SMAD3: variants seen among roughly 807,000 people sequenced by gnomAD.
SMAD3 encodes the protein MAD homolog 3.
In SMAD3, 12 loss-of-function variants were observed where a neutral mutation model predicts 51.8. The ratio of observed to expected loss-of-function variants is 0.23; its 90% CI spans 0.15 to 0.38. The LOEUF is 0.38. SMAD3 is among the 10% of genes least tolerant of loss of function. The pLI, the probability that SMAD3 is intolerant of heterozygous loss-of-function variation, is 1.00. For synonymous variants in SMAD3, 238 were observed against 227.7 expected, an observed-to-expected ratio of 1.05 and a Z score of -0.41; for missense variants, 294 against 565.6, an observed-to-expected ratio of 0.52 and a Z score of 4.87.
intron 1 of SMAD3, among the ~76,000 whole-genome samples, chr15:67,089,751 G>A (rs574354162): frequency 1.4e-4 from 21 of 152,328 alleles, no homozygotes; most frequent in South Asian, 4.1e-4. Context: ...TTTCCCACAC[G>A]TCATTTCGTT....
intron 1 of SMAD3, among the ~76,000 whole-genome samples, chr15:67,160,093 T>C (rs1037832473): frequency 6.6e-6 from 1 of 152,216 alleles, no homozygotes; most frequent in East Asian, 1.9e-4. Flanking sequence ...GGGATGAATA[T>C]CCCAATTACC....
chr15:67,176,535 G>A (rs1962900583), intron 5 of SMAD3, among the ~76,000 whole-genome samples: 1 of 152,198 alleles, frequency 6.6e-6, no homozygotes, highest in Non-Finnish European at 1.5e-5. Flanking sequence ...TTCCCCCCTT[G>A]CCTCCCCACC....
At chr15:67,074,277 T>C (rs534708145) in intron 1 of SMAD3, among the ~76,000 whole-genome samples, 4 of 152,346 alleles carry the variant, frequency 2.6e-5, no homozygotes, top group Admixed American at 2.6e-4. Flanking sequence ...TTTCTTCTTT[T>C]GTTGCTATTT....
intron 1 of SMAD3, among the ~76,000 whole-genome samples, chr15:67,144,709 C>A (rs541699626): frequency 2.0e-5 from 3 of 152,270 alleles, no homozygotes; most frequent in African/African-American, 7.2e-5. Flanking sequence ...TTCTTAGACA[C>A]AAAGACAGCT....
intron 1 of SMAD3, among the ~76,000 whole-genome samples, chr15:67,074,371 T>C (rs557148365): frequency 6.6e-6 from 1 of 152,352 alleles, no homozygotes; most frequent in South Asian, 2.1e-4. Flanking sequence ...GTAGGCATTA[T>C]AGAGGATACC....
chr15:67,070,756 A>G (rs1213380166), intron 1 of SMAD3, among the ~76,000 whole-genome samples: 1 of 151,644 alleles, frequency 6.6e-6, no homozygotes, highest in Admixed American at 6.6e-5. Context: ...TAAAATAATG[A>G]CAGGCATCTG....
chr15:67,074,240 G>T (rs1225808281), intron 1 of SMAD3, among the ~76,000 whole-genome samples: 4 of 152,244 alleles, frequency 2.6e-5, no homozygotes, highest in Non-Finnish European at 4.4e-5. Context: ...TGTGGAGGCT[G>T]TGCCTCTTGA....
In SMAD3 at chr15:67,137,932, G is replaced by A. The variant is rs534967113; in HGVS notation, c.207-26963G>A. 1.1e-4 allele frequency: 87 copies of A among 824,060 alleles called. 3 individuals carry two copies. The South Asian group carries it at 1.2e-3, about 12-fold the overall frequency. 51.0% of individuals were successfully genotyped at this position (824,060 alleles called of 1,614,324 possible). Reference sequence around the variant, plus strand: ...TCTTCTGTTAGCGACAGAGAAAATAGGAGGTACTAGAATTCGGACTTCTAG... The same window carrying A: ...TCTTCTGTTAGCGACAGAGAAAATAAGAGGTACTAGAATTCGGACTTCTAG... On this transcript the variant is annotated intron_variant, in intron 1 of 8. Transcript: ENST00000327367.
rs147249572 is a variant in SMAD3 at position 67,136,592 on chromosome 15, A to G, written c.207-28303A>G. Among the ~76,000 whole-genome samples, 449 of 152,192 alleles carry G rather than the reference A, an allele frequency of 3.0e-3. 16 individuals carry two copies. The East Asian group carries it at 0.064, about 22-fold the overall frequency. On this transcript the variant is annotated intron_variant, in intron 1 of 8. Coordinates refer to ENST00000327367, the MANE Select transcript of SMAD3 (RefSeq NM_005902.4). ...GTGATCTGCCCACCTCAGCCTCCCA[A>G]AGTACTGGGATTATAGGCATGAGCC...
At chr15:67,100,180 T>TAAA (rs34746545) in intron 1 of SMAD3, among the ~76,000 whole-genome samples, 10,299 of 109,636 alleles carry the variant, frequency 0.094, 636 homozygotes, top group Middle Eastern at 0.13. Flanking sequence ...AAACTCCATC[T>TAAA]AAAAAAAAAA....
At chr15:67,158,342 G>A (rs1299814332) in intron 1 of SMAD3, among the ~76,000 whole-genome samples, 3 of 152,210 alleles carry the variant, frequency 2.0e-5, no homozygotes, top group African/African-American at 7.2e-5. Context: ...AAAGAACAAT[G>A]CCAGGGCTCT....
At chr15:67,088,229 G>A (rs1960435210) in intron 1 of SMAD3, among the ~76,000 whole-genome samples, 3 of 152,226 alleles carry the variant, frequency 2.0e-5, no homozygotes, top group Admixed American at 2.0e-4. Flanking sequence ...TGGCCCAGAA[G>A]ATGGGTGCAC....
chr15:67,104,364 TAATC>T (rs2140227754), intron 1 of SMAD3, among the ~76,000 whole-genome samples: 2 of 152,336 alleles, frequency 1.3e-5, no homozygotes, highest in South Asian at 4.1e-4. Flanking sequence ...GAAGAGACAC[TAATC>T]AATGTATCTG....
rs1959903980 is a variant in SMAD3, at chr15:67,065,995, CCGCGGCCCGG to C, written c.-158_-149del. ...GCGCCGAGCCCCGCAGGCTGCAGCG[CCGCGGCCCGG>C]CCCGGCGCCCCGGCAACTTCGCCGA... is the stretch of plus-strand genomic sequence containing the variant. On this transcript the variant is annotated 5_prime_UTR_variant, in exon 1 of 9. Transcript: ENST00000327367. 1 of 260,596 alleles carries C rather than the reference CCGCGGCCCGG, an allele frequency of 3.8e-6. No homozygotes were observed. The highest frequency in any genetic ancestry group is 5.7e-5 in the Admixed American group (1 of 17,642). The allele number at this position is 260,596 out of a possible 1,614,324, so 16.1% of individuals were successfully genotyped here. A position where few individuals can be genotyped will look rare whatever the true frequency, so the allele number is the denominator to read the frequency against.
intron 1 of SMAD3, among the ~76,000 whole-genome samples, chr15:67,100,683 A>G (rs1028549991): frequency 3.9e-5 from 6 of 152,172 alleles, no homozygotes; most frequent in Non-Finnish European, 7.3e-5. Flanking sequence ...AATGGTGTCC[A>G]TGTCACTGAC....
At chr15:67,170,367 G>A (rs1285459307) in intron 4 of SMAD3, among the ~76,000 whole-genome samples, 187 bp from the exon 5 acceptor site, 3 of 152,176 alleles carry the variant, frequency 2.0e-5, no homozygotes, top group African/African-American at 7.2e-5. Context: ...TTCCAGACAA[G>A]AAATTGGGGC....
intron 5 of SMAD3, among the ~76,000 whole-genome samples, chr15:67,171,675 A>T (rs16950687): frequency 6.6e-6 from 1 of 151,944 alleles, no homozygotes; most frequent in Non-Finnish European, 1.5e-5. Context: ...CATCATTTGG[A>T]ATATTAGGAG....
At chr15:67,177,735 T>A (rs1284704784) in intron 5 of SMAD3, among the ~76,000 whole-genome samples, 2 of 45,250 alleles carry the variant, frequency 4.4e-5, no homozygotes, top group Non-Finnish European at 8.7e-5. Flanking sequence ...GTTTTTTTGT[T>A]TTTTTTTTTG....
At chr15:67,184,678 T>C (rs1963172601) in intron 6 of SMAD3, 49 bp from the exon 7 acceptor site, 4 of 1,611,460 alleles carry the variant, frequency 2.5e-6, no homozygotes, top group South Asian at 2.2e-5. Context: ...CCCAGGGCCA[T>C]TGTGTGTGAG....
Sources: gnomAD v4.1 joint callset for allele counts (sites outside exome capture counted in the v4.1 genomes callset) on GRCh38, gnomAD v4.1.1 for gene constraint, MANE v1.5 for transcripts, NCBI Gene and HGNC (gene_info 2026-07-23, HGNC 2026-07-21) for gene names.